Variants in KNDC1 observed in about 807,000 individuals in gnomAD.
KNDC1 encodes kinase non-catalytic C-lobe domain containing 1.
A neutral mutation model predicts 172.8 loss-of-function variants in KNDC1; 106 were observed. The ratio of observed to expected loss-of-function variants is 0.61; its 90% confidence interval spans 0.52 to 0.72. The LOEUF is 0.72. KNDC1 is among the 30% of genes least tolerant of loss of function. KNDC1 has a pLI of 0.00. For missense variants in KNDC1, 2,325 were observed against 2,394.5 expected, an observed-to-expected ratio of 0.97 and a Z score of 0.61; for synonymous variants, 1,083 against 1,062.2, an observed-to-expected ratio of 1.02 and a Z score of -0.38.
In KNDC1 at chr10:133,223,322, T is replaced by C. The variant is rs1270695074; in HGVS notation, c.5019-1337T>C. On this transcript the variant is annotated intron_variant, in intron 29 of 29. Transcript: ENST00000304613. ...CCATCCAGGCATGCTGTTCCCGGCGTGTGTGTGTGTGTGTGAGAGCCCATC... is the reference window on the plus strand; with the variant it reads ...CCATCCAGGCATGCTGTTCCCGGCGCGTGTGTGTGTGTGTGAGAGCCCATC... 1.4e-4 allele frequency among the ~76,000 whole-genome samples: 7 copies of C among 48,390 alleles called. 1 individual carries two copies. The highest frequency in any genetic ancestry group is 3.2e-4 in the Non-Finnish European group (7 of 21,748). The allele number at this position is 48,390 out of a possible 152,430, so 31.7% of individuals were successfully genotyped here.
In KNDC1 at chr10:133,160,574, G is replaced by A; in HGVS notation, c.102+5G>A. 6 of 1,559,122 alleles carry A rather than the reference G, an allele frequency of 3.8e-6. No individual in the cohort carries two copies. The highest frequency in any genetic ancestry group is 1.2e-5 in the South Asian group (1 of 84,832). ...CCCACCCTCCCCGAGGACGAGGTGA[G>A]CCCCCGGCCCCACTGGGGGGCCCCT... is the stretch of plus-strand genomic sequence containing the variant. On this transcript the variant is annotated splice_donor_5th_base_variant and intron_variant, in intron 1 of 29. Coordinates refer to ENST00000304613, the MANE Select transcript of KNDC1 (RefSeq NM_152643.8).
Position 133,211,757 on chromosome 10 carries a change from C to T in KNDC1, c.4135C>T (p.Pro1379Ser). 6.2e-7 allele frequency: 1 copy of T among 1,610,332 alleles called. No individual in the cohort carries two copies. Among genetic ancestry groups the T allele is most frequent in the Non-Finnish European group, 8.5e-7 (1 of 1,179,102 alleles). Residue 1379 changes from proline (P) to serine (S), a missense_variant, in exon 23 of 30, where the codon CCT becomes TCT. By Grantham distance (74) the Pro-to-Ser change is moderately conservative. Transcript: ENST00000304613. ...CATGGACCGGCGGGCCGAGGGCAACCCTCGCGGCACAGACCTGGAGAACCC... is the reference window on the plus strand; with the variant it reads ...CATGGACCGGCGGGCCGAGGGCAACTCTCGCGGCACAGACCTGGAGAACCC... ...VGMDRRAEGN[P>S]RGTDLENPRE...
chr10:133,218,350 G>A (rs984529110), intron 26 of KNDC1, among the ~76,000 whole-genome samples: 14 of 152,200 alleles, frequency 9.2e-5, no homozygotes, highest in Non-Finnish European at 2.1e-4. Context: ...ACAGAGCCCC[G>A]GAGGAGGGGG....
chr10:133,221,068 G>A (rs1052830607), intron 29 of KNDC1, among the ~76,000 whole-genome samples: 1 of 151,980 alleles, frequency 6.6e-6, no homozygotes, highest in Non-Finnish European at 1.5e-5. Context: ...AACACTCCCC[G>A]TGGTCTCTAG....
Position 133,219,103 on chromosome 10 carries a change from T to C in KNDC1, c.4860+13T>C, listed in dbSNP as rs1845528686. 2.5e-6 allele frequency: 4 copies of C among 1,612,292 alleles called. No homozygotes were observed. The highest frequency in any genetic ancestry group is 1.1e-5 in the South Asian group (1 of 90,832). On this transcript the variant is annotated intron_variant, in intron 28 of 29. Coordinates refer to ENST00000304613, the MANE Select transcript of KNDC1 (RefSeq NM_152643.8). Reference sequence around the variant, plus strand: ...GAAAGCCGTGGAGGTACCAGCACTTTACGTGGCCGGGCGGCTTTGGTCCCC... The same window carrying C: ...GAAAGCCGTGGAGGTACCAGCACTTCACGTGGCCGGGCGGCTTTGGTCCCC...
At position 133,185,995 on chromosome 10, in the gene KNDC1, G is replaced by T. The variant is rs756563735; in HGVS notation, c.647G>T (p.Arg216Leu). Residue 216 changes from arginine (R) to leucine (L), a missense_variant, in exon 6 of 30, where the codon CGG becomes CTG. Physicochemically the swap from Arg to Leu is moderately radical, Grantham distance 102. Transcript: ENST00000304613. ...CCAGATGTCAGCGAGAGCAGCTGGCGGGAGAGACCTGCCCCAGGAAACGCT... is the reference window on the plus strand; with the variant it reads ...CCAGATGTCAGCGAGAGCAGCTGGCTGGAGAGACCTGCCCCAGGAAACGCT... ...ALQDVSESSW[R>L]ERPAPGNAGP... 6.5e-6 allele frequency: 10 copies of T among 1,530,174 alleles called. No homozygotes were observed. In the Admixed American group the frequency reaches 7.3e-5, roughly 11 times the overall value. 94.8% of individuals were successfully genotyped at this position (1,530,174 alleles called of 1,614,324 possible). A position where few individuals can be genotyped will look rare whatever the true frequency, so the allele number is the denominator to read the frequency against.
Position 133,186,407 on chromosome 10 carries a change from T to C in KNDC1, c.1059T>C (p.Ser353=). Residue 353 remains serine (S), a synonymous_variant, in exon 6 of 30, where the codon TCT becomes TCC. Transcript: ENST00000304613. ...KAFLDRKNGL[S]SFQAQPKCRL... ...TTCTGGACAGGAAAAATGGCCTTTC[T>C]AGCTTCCAGGCTCAGCCCAAATGCA... 6.2e-7 allele frequency: 1 copy of C among 1,612,720 alleles called. No individual in the cohort carries two copies. The highest frequency in any genetic ancestry group is 8.5e-7 in the Non-Finnish European group (1 of 1,179,922).
At chr10:133,192,968 C>A (rs188540140) in intron 9 of KNDC1, among the ~76,000 whole-genome samples, 1 of 152,158 alleles carries the variant, frequency 6.6e-6, no homozygotes, top group Admixed American at 6.5e-5. Flanking sequence ...CAAACATGAT[C>A]AATGCAAAGA....
At chr10:133,167,977 T>A (rs1281328459) in intron 2 of KNDC1, among the ~76,000 whole-genome samples, 2 of 152,240 alleles carry the variant, frequency 1.3e-5, no homozygotes, top group African/African-American at 2.4e-5. Flanking sequence ...TCCCACTGCG[T>A]GGCCCCTGCC....
At chr10:133,164,644 G>T (rs1024535424) in intron 1 of KNDC1, among the ~76,000 whole-genome samples, 1 of 152,208 alleles carries the variant, frequency 6.6e-6, no homozygotes, top group Non-Finnish European at 1.5e-5. Context: ...ACTTGAGCAC[G>T]AAGCTTCCTG....
At chr10:133,212,192 A>T (rs1845382198) in intron 23 of KNDC1, among the ~76,000 whole-genome samples, 1 of 151,470 alleles carries the variant, frequency 6.6e-6, no homozygotes, top group Non-Finnish European at 1.5e-5. Context: ...ATCCACACCT[A>T]CACGTGTGCA....
intron 1 of KNDC1, among the ~76,000 whole-genome samples, chr10:133,161,051 C>T (rs1852951322): frequency 6.6e-6 from 1 of 151,980 alleles, no homozygotes; most frequent in Non-Finnish European, 1.5e-5. Context: ...TCTGGTTTTC[C>T]GGGCCTTCAC....
At chr10:133,165,369 A>G (rs1853116490) in intron 1 of KNDC1, among the ~76,000 whole-genome samples, 1 of 152,138 alleles carries the variant, frequency 6.6e-6, no homozygotes, top group East Asian at 1.9e-4. Flanking sequence ...CCCTGCTGGC[A>G]CGGCTGACCT....
chr10:133,177,667 G>C (rs575654087), intron 3 of KNDC1, among the ~76,000 whole-genome samples: 1 of 144,656 alleles, frequency 6.9e-6, no homozygotes, highest in Non-Finnish European at 1.6e-5. Flanking sequence ...CATGCATGTG[G>C]TGTGTATATC....
At chr10:133,190,047 C>T (rs12359206) in intron 9 of KNDC1, among the ~76,000 whole-genome samples, 45,923 of 152,138 alleles carry the variant, frequency 0.3, 7,243 homozygotes, top group Middle Eastern at 0.36. Context: ...CCTCCTGGCT[C>T]ACGAGAACTA....
chr10:133,187,727 G>A (rs1853960384), intron 6 of KNDC1, among the ~76,000 whole-genome samples: 1 of 152,244 alleles, frequency 6.6e-6, no homozygotes, highest in African/African-American at 2.4e-5. Context: ...CTCCCAGGCT[G>A]AACGCATGCC....
At position 133,199,008 on chromosome 10, in the gene KNDC1, A is replaced by G. The variant is rs1854284799; in HGVS notation, c.2500A>G (p.Ser834Gly). The part of the protein sequence containing the change: ...GPRHPPKPPR[S>G]KATERPGQEP... ...ACGCCACCCGCCCAAGCCCCCACGA[A>G]GCAAGGCCACCGAGCGCCCGGGCCA... The change falls in exon 14 of 30, where the codon AGC (serine) becomes GGC (glycine). Residue 834 changes from serine to glycine, a missense_variant. Transcript: ENST00000304613. 6.4e-7 allele frequency: 1 copy of G among 1,563,094 alleles called. No homozygotes were observed. Among genetic ancestry groups the G allele is most frequent in the African/African-American group, 1.4e-5 (1 of 73,602 alleles).
rs546644178 is a variant in KNDC1 at position 133,173,205 on chromosome 10, G to A, written c.360+4893G>A. Among the ~76,000 whole-genome samples the A allele has an allele frequency of 1.6e-3, 242 of 152,270 alleles. 1 individual carries two copies. Among genetic ancestry groups the A allele is most frequent in the Non-Finnish European group, 1.8e-3 (120 of 68,020 alleles). ...CCCAGTCTCACTAGGGGTTTAGTTC[G>A]TTCATTTTTCCAAAGAGCCTCCTCT... On this transcript the variant is annotated intron_variant, in intron 3 of 29. Transcript: ENST00000304613.
In KNDC1 at chr10:133,223,986, T is replaced by C. The variant is rs1431753015; in HGVS notation, c.5019-673T>C. 2.7e-5 allele frequency among the ~76,000 whole-genome samples: 4 copies of C among 147,606 alleles called. No individual in the cohort carries two copies. In the South Asian group the frequency reaches 8.8e-4, roughly 32 times the overall value. On this transcript the variant is annotated intron_variant, in intron 29 of 29. Transcript: ENST00000304613. ...AGGCATGCTCTTCCCGGCGTGTGTG[T>C]GTGTGTGTGAGAGAGCCCATCCAGG...
Sources: gnomAD v4.1 joint callset for allele counts (sites outside exome capture counted in the v4.1 genomes callset) on GRCh38, gnomAD v4.1.1 for gene constraint, MANE v1.5 for transcripts, NCBI Gene and HGNC (gene_info 2026-07-23, HGNC 2026-07-21) for gene names.